Variants in CTNNBL1 observed in about 807,000 individuals in gnomAD.
CTNNBL1 encodes beta-catenin-like protein 1.
Under a neutral mutation model 72.7 loss-of-function variants are expected in CTNNBL1, and 31 were observed. The ratio of observed to expected loss-of-function variants is 0.43; its 90% CI spans 0.32 to 0.58. The LOEUF is 0.58. Among genes scored for constraint, CTNNBL1 ranks in the 20% least tolerant of loss-of-function variants. CTNNBL1 has a pLI of 0.08. For synonymous variants in CTNNBL1, 240 were observed against 267.3 expected (o/e 0.90, Z 1.00); for missense variants, 534 against 725.1 (o/e 0.74, Z 3.03).
At chr20:37,717,200 G>T (rs1486238996) in intron 1 of CTNNBL1, among the ~76,000 whole-genome samples, 2 of 152,106 alleles carry the variant, frequency 1.3e-5, no homozygotes, top group African/African-American at 4.8e-5. Context: ...TTTTAGTCTT[G>T]GCAGTGACCT....
chr20:37,804,473 T>C (rs1055968080), intron 11 of CTNNBL1, among the ~76,000 whole-genome samples: 2 of 152,056 alleles, frequency 1.3e-5, no homozygotes, highest in African/African-American at 2.4e-5. Context: ...GCTAACTAGG[T>C]GTGCGACTTT....
chr20:37,731,329 G>A (rs1436046285), intron 1 of CTNNBL1, among the ~76,000 whole-genome samples: 28 of 151,602 alleles, frequency 1.8e-4, no homozygotes, highest in African/African-American at 6.3e-4. Context: ...TCTGCCTCCC[G>A]GGTTCAAGCG....
At chr20:37,815,032 A>C (rs1489899119) in intron 11 of CTNNBL1, among the ~76,000 whole-genome samples, 2 of 151,892 alleles carry the variant, frequency 1.3e-5, no homozygotes, top group African/African-American at 4.8e-5. Flanking sequence ...TACTGAAAAC[A>C]TCATGGACAC....
intron 11 of CTNNBL1, among the ~76,000 whole-genome samples, chr20:37,835,424 T>A (rs558661794): frequency 1.3e-5 from 2 of 152,164 alleles, no homozygotes; most frequent in Non-Finnish European, 2.9e-5. Flanking sequence ...AACAAAAACA[T>A]GCTAATCAAA....
At chr20:37,847,621 T>TAG (rs1379381262) in intron 13 of CTNNBL1, among the ~76,000 whole-genome samples, 1 of 152,164 alleles carries the variant, frequency 6.6e-6, no homozygotes, top group Non-Finnish European at 1.5e-5. Flanking sequence ...GCTAAGTGTA[T>TAG]AGAGCATGCC....
intron 11 of CTNNBL1, among the ~76,000 whole-genome samples, chr20:37,838,451 A>G (rs77571922): frequency 0.053 from 8,134 of 152,258 alleles, 296 homozygotes; most frequent in Middle Eastern, 0.068. Context: ...TTCTCGTGGG[A>G]TGTGAGAAAG....
At chr20:37,856,214 AG>A (rs2072439509) in intron 13 of CTNNBL1, among the ~76,000 whole-genome samples, 1 of 151,244 alleles carries the variant, frequency 6.6e-6, no homozygotes, top group South Asian at 2.1e-4. Flanking sequence ...AAAAAAAAAA[AG>A]AGCCTACTAA....
At chr20:37,714,987 T>G (rs1003781694) in intron 1 of CTNNBL1, among the ~76,000 whole-genome samples, 2 of 152,178 alleles carry the variant, frequency 1.3e-5, no homozygotes, top group African/African-American at 4.8e-5. Flanking sequence ...TCACCGCACC[T>G]CACCCCCCCG....
At chr20:37,751,064 T>C (rs1039830959) in intron 4 of CTNNBL1, 8 of 152,082 alleles carry the variant, frequency 5.3e-5, no homozygotes, top group African/African-American at 1.7e-4. Context: ...TTGCCATTCC[T>C]CCTACTCCGG....
At chr20:37,784,545 C>T (rs1324789049) in intron 10 of CTNNBL1, among the ~76,000 whole-genome samples, 1 of 152,056 alleles carries the variant, frequency 6.6e-6, no homozygotes, top group Non-Finnish European at 1.5e-5. Flanking sequence ...ATTTAATAAC[C>T]CATTATTTTA....
At chr20:37,797,928 G>A (rs1228977906) in intron 10 of CTNNBL1, among the ~76,000 whole-genome samples, 2 of 152,034 alleles carry the variant, frequency 1.3e-5, no homozygotes, top group Admixed American at 6.6e-5. Context: ...CCCTCTTTGC[G>A]TATCCAAGAA....
intron 11 of CTNNBL1, among the ~76,000 whole-genome samples, chr20:37,831,367 CTTTTTTT>C (rs202003605): frequency 1.3e-5 from 2 of 149,260 alleles, no homozygotes; most frequent in South Asian, 2.1e-4. Flanking sequence ...TTTTTCTTTT[CTTTTTTT>C]TTTTTTTTTG....
chr20:37,784,175 C>G (rs551229907), intron 10 of CTNNBL1, among the ~76,000 whole-genome samples: 19 of 152,164 alleles, frequency 1.2e-4, no homozygotes, highest in Admixed American at 6.5e-4. Flanking sequence ...TCCTCTTGCT[C>G]TCTTTTGGTT....
At chr20:37,724,867 T>A (rs2073069668) in intron 1 of CTNNBL1, among the ~76,000 whole-genome samples, 1 of 151,494 alleles carries the variant, frequency 6.6e-6, no homozygotes, top group African/African-American at 2.4e-5. Context: ...AATCATTGGG[T>A]ACCAAAAAAT....
Position 37,797,870 on chromosome 20 carries a change from G to A in CTNNBL1, c.1032-4997G>A, listed in dbSNP as rs551269184. ...CTTCCCTAAATGTCCCATGCTTAAC[G>A]CCTGTCTTTGCATGTGCTCTTGTTT... On this transcript the variant is annotated intron_variant, in intron 10 of 15. Transcript: ENST00000361383. Among the ~76,000 whole-genome samples, 6 of 152,140 alleles carry A rather than the reference G, an allele frequency of 3.9e-5. No individual in the cohort carries two copies. In the South Asian group the frequency reaches 8.3e-4, roughly 21 times the overall value.
intron 11 of CTNNBL1, among the ~76,000 whole-genome samples, chr20:37,814,757 G>C (rs1157268315): frequency 1.3e-5 from 2 of 152,112 alleles, no homozygotes; most frequent in Admixed American, 1.3e-4. Context: ...CGGAGTAGGG[G>C]CTCTGGATTC....
At position 37,728,964 on chromosome 20, in the gene CTNNBL1, A is replaced by G. The variant is rs181910275; in HGVS notation, c.31-3915A>G. Among the ~76,000 whole-genome samples, 327 of 152,292 alleles carry G rather than the reference A, an allele frequency of 2.1e-3. 6 individuals are homozygous for G. Among genetic ancestry groups the G allele is most frequent in the Admixed American group, 4.9e-3 (75 of 15,296 alleles). ...TCTTGTCTCAATCCACACTGGCCCTATTTATCCCTGTGTCCCTATTTATAC... is the reference window on the plus strand; with the variant it reads ...TCTTGTCTCAATCCACACTGGCCCTGTTTATCCCTGTGTCCCTATTTATAC... On this transcript the variant is annotated intron_variant, in intron 1 of 15. Transcript: ENST00000361383.
At position 37,841,621 on chromosome 20, in the gene CTNNBL1, G is replaced by C. The variant is rs188488027; in HGVS notation, c.1312-718G>C. Among the ~76,000 whole-genome samples the C allele has an allele frequency of 2.2e-3, 332 of 152,232 alleles. 1 individual carries two copies. Among genetic ancestry groups the C allele is most frequent in the Non-Finnish European group, 3.9e-3 (265 of 68,020 alleles). Reference sequence around the variant, plus strand: ...GCCAGAGTTGCCAAGGGCTGTGGTGGTGCCAACCTGATAAAAAGATAAGTC... The same window carrying C: ...GCCAGAGTTGCCAAGGGCTGTGGTGCTGCCAACCTGATAAAAAGATAAGTC... On this transcript the variant is annotated intron_variant, in intron 12 of 15. Transcript: ENST00000361383.
intron 11 of CTNNBL1, among the ~76,000 whole-genome samples, chr20:37,819,905 C>T (rs1194823196): frequency 3.4e-5 from 4 of 117,456 alleles, no homozygotes; most frequent in Admixed American, 3.2e-4. Context: ...GACACAGTTT[C>T]GCTCTGTCGC....
Sources: allele counts gnomAD v4.1 joint callset (sites outside exome capture counted in the v4.1 genomes callset), GRCh38; gene constraint gnomAD v4.1.1; transcripts MANE v1.5; gene names NCBI Gene and HGNC (gene_info 2026-07-23, HGNC 2026-07-21).